Variants in KCNU1 observed in about 807,000 individuals in gnomAD.
KCNU1 encodes the protein potassium channel subfamily U member 1.
Under a neutral mutation model 126.8 loss-of-function variants are expected in KCNU1, and 93 were observed. The ratio of observed to expected loss-of-function variants is 0.73; its 90% CI spans 0.62 to 0.87. KCNU1 has a LOEUF of 0.87. KCNU1 is among the 40% of genes least tolerant of loss of function. KCNU1 has a pLI of 0.00. For missense variants in KCNU1, 1,330 were observed against 1,367.1 expected (o/e 0.97, Z 0.43); for synonymous variants, 523 against 494.2 (o/e 1.06, Z -0.77).
At chr8:36,845,757 A>G (rs1226825241) in intron 17 of KCNU1, 45 bp from the exon 18 acceptor site, 3 of 1,503,100 alleles carry the variant, frequency 2.0e-6, no homozygotes, top group Non-Finnish European at 2.8e-6. Context: ...CCTCCTTTGC[A>G]TTAAGACTCA....
intron 21 of KCNU1, 23 bp from the exon 22 acceptor site, chr8:36,910,907 C>T: frequency 2.9e-6 from 4 of 1,360,252 alleles, no homozygotes; most frequent in South Asian, 1.3e-5. Context: ...ACCAGTGCCT[C>T]CTCTCTCTTT....
At chr8:36,838,673 A>C (rs543748963) in intron 14 of KCNU1, among the ~76,000 whole-genome samples, 2 of 152,250 alleles carry the variant, frequency 1.3e-5, no homozygotes, top group Admixed American at 6.5e-5. Flanking sequence ...CTCCAGCCTC[A>C]GCGACAGAGT....
At chr8:36,841,030 AGTT>A (rs762523332) in intron 16 of KCNU1, 27 bp downstream of exon 16, 19 of 816,158 alleles carry the variant, frequency 2.3e-5, no homozygotes, top group Admixed American at 5.9e-5. Flanking sequence ...TCATCTCTTC[AGTT>A]GTTTTTTTTT....
At position 36,823,487 on chromosome 8, in the gene KCNU1, A is replaced by G. The variant is rs536069901; in HGVS notation, c.1106+5727A>G. On this transcript the variant is annotated intron_variant, in intron 10 of 26. Coordinates refer to ENST00000399881, the MANE Select transcript of KCNU1 (RefSeq NM_001031836.3). ...ATGATCTTAAATCTGTAGTTACACA[A>G]TTAGTGTTTATATCATTGCGGCAAA... 2.6e-5 allele frequency among the ~76,000 whole-genome samples: 4 copies of G among 152,244 alleles called. No homozygotes were observed. The South Asian group carries it at 8.3e-4, about 32-fold the overall frequency.
At chr8:36,932,334 C>T (rs948251216) in intron 25 of KCNU1, among the ~76,000 whole-genome samples, 1 of 152,136 alleles carries the variant, frequency 6.6e-6, no homozygotes, top group Non-Finnish European at 1.5e-5. Flanking sequence ...TCCCTCCTCT[C>T]TCCATTTATG....
At position 36,847,973 on chromosome 8, in the gene KCNU1, T is replaced by G. The variant is rs1379451505; in HGVS notation, c.1891+2074T>G. On this transcript the variant is annotated intron_variant, in intron 18 of 26. Transcript: ENST00000399881. Reference sequence around the variant, plus strand: ...TCTCCACATCCTTGTCAGCATCTATTGTTTTGTTTTGTTTTTTGTCTTTTT... The same window carrying G: ...TCTCCACATCCTTGTCAGCATCTATGGTTTTGTTTTGTTTTTTGTCTTTTT... Among the ~76,000 whole-genome samples, 4 of 152,274 alleles carry G rather than the reference T, an allele frequency of 2.6e-5. No homozygotes were observed. In the East Asian group the frequency reaches 7.7e-4, roughly 29 times the overall value.
intron 24 of KCNU1, among the ~76,000 whole-genome samples, chr8:36,928,216 T>G (rs1808591593): frequency 6.6e-6 from 1 of 152,238 alleles, no homozygotes; most frequent in South Asian, 2.1e-4. Context: ...AAATGATATA[T>G]TCAAAAGCTA....
chr8:36,846,066 A>G (rs1223451946), intron 18 of KCNU1, among the ~76,000 whole-genome samples, 167 bp downstream of exon 18: 1 of 152,248 alleles, frequency 6.6e-6, no homozygotes, highest in African/African-American at 2.4e-5. Context: ...AGTGTTTTAG[A>G]GCTGGAAGAA....
At chr8:36,820,644 C>T (rs772898073) in intron 10 of KCNU1, among the ~76,000 whole-genome samples, 6 of 150,724 alleles carry the variant, frequency 4.0e-5, no homozygotes, top group Admixed American at 2.0e-4. Context: ...CTTTAGTTTT[C>T]GAGCAGAACT....
intron 1 of KCNU1, among the ~76,000 whole-genome samples, chr8:36,787,018 G>C (rs1802732652): frequency 6.6e-6 from 1 of 152,136 alleles, no homozygotes; most frequent in Non-Finnish European, 1.5e-5. Context: ...TCTGATCATT[G>C]CAATGATGGC....
intron 25 of KCNU1, among the ~76,000 whole-genome samples, chr8:36,932,093 T>C (rs903908712): frequency 1.3e-5 from 2 of 152,100 alleles, no homozygotes; most frequent in African/African-American, 2.4e-5. Context: ...GTATACCTGG[T>C]GCATGTCAAT....
intron 11 of KCNU1, among the ~76,000 whole-genome samples, chr8:36,834,298 C>T (rs2130548971): frequency 6.6e-6 from 1 of 152,244 alleles, no homozygotes; most frequent in East Asian, 1.9e-4. Flanking sequence ...TTTCTCTTTC[C>T]TGCAGTTTAG....
intron 18 of KCNU1, among the ~76,000 whole-genome samples, chr8:36,853,374 G>A (rs980922254): frequency 2.0e-5 from 3 of 151,954 alleles, no homozygotes; most frequent in Admixed American, 6.6e-5. Flanking sequence ...AAATAAGTAG[G>A]CATTTATATC....
chr8:36,921,996 A>G (rs1808367144), intron 23 of KCNU1, among the ~76,000 whole-genome samples: 1 of 152,204 alleles, frequency 6.6e-6, no homozygotes, highest in Admixed American at 6.6e-5. Context: ...CAAATGATTC[A>G]TATGTGCATT....
At chr8:36,824,147 C>T (rs1804232873) in intron 10 of KCNU1, among the ~76,000 whole-genome samples, 1 of 152,050 alleles carries the variant, frequency 6.6e-6, no homozygotes, top group African/African-American at 2.4e-5. Context: ...CCTGTTTAAG[C>T]CTTTTTTATT....
intron 6 of KCNU1, among the ~76,000 whole-genome samples, chr8:36,807,738 A>G (rs1803559090): frequency 6.6e-6 from 1 of 152,118 alleles, no homozygotes; most frequent in Non-Finnish European, 1.5e-5. Context: ...CCAAAAAAAA[A>G]AAAAAAAGTC....
intron 2 of KCNU1, among the ~76,000 whole-genome samples, chr8:36,789,732 G>GA (rs1214210138): frequency 3.3e-5 from 5 of 152,034 alleles, no homozygotes; most frequent in African/African-American, 9.7e-5. Context: ...AGTGGTGAGA[G>GA]AAAAAAATCT....
chr8:36,910,670 G>A (rs578118713), intron 21 of KCNU1, among the ~76,000 whole-genome samples: 6 of 152,138 alleles, frequency 3.9e-5, no homozygotes, highest in East Asian at 3.9e-4. Context: ...ACGGACTTAC[G>A]TTCCTCCCTC....
At chr8:36,805,498 G>A (rs556116039) in intron 4 of KCNU1, among the ~76,000 whole-genome samples, 3 of 152,228 alleles carry the variant, frequency 2.0e-5, no homozygotes, top group South Asian at 4.1e-4. Context: ...AACACAACAC[G>A]AAAGTAATTC....
Sources: allele counts gnomAD v4.1 joint callset (sites outside exome capture counted in the v4.1 genomes callset), GRCh38; gene constraint gnomAD v4.1.1; transcripts MANE v1.5; gene names NCBI Gene and HGNC (gene_info 2026-07-23, HGNC 2026-07-21).